The following PHKA1 variants were observed in gnomAD, a reference collection of about 807,000 sequenced individuals.
The protein encoded by PHKA1 is phosphorylase b kinase regulatory subunit alpha, skeletal muscle isoform.
A neutral mutation model predicts 110.2 loss-of-function variants in PHKA1; 60 were observed. The observed-to-expected ratio is 0.54, with a 90% CI of 0.44 to 0.68. The LOEUF is 0.68. Ranked by LOEUF, PHKA1 falls within the 30% of genes least tolerant of loss-of-function variation. PHKA1 has a pLI of 0.00. For missense variants in PHKA1, 801 were observed against 942.5 expected (o/e 0.85, Z 1.97); for synonymous variants, 316 against 333.6 (o/e 0.95, Z 0.58).
intron 14 of PHKA1, among the ~76,000 whole-genome samples, chrX:72,637,248 G>C (rs1193399207): frequency 9.0e-6 from 1 of 111,566 alleles, no homozygotes; most frequent in Non-Finnish European, 1.9e-5. Flanking sequence ...GGCAACCACT[G>C]TTCTACTTTG....
intron 5 of PHKA1, among the ~76,000 whole-genome samples, chrX:72,680,266 G>A (rs781921407): frequency 9.0e-6 from 1 of 111,587 alleles, no homozygotes; most frequent in Non-Finnish European, 1.9e-5. Context: ...CACCCACCTC[G>A]GCCTCCCAAA....
chrX:72,603,072 A>C (rs1556245655), intron 26 of PHKA1, 47 bp downstream of exon 26: 1 of 866,864 alleles, frequency 1.2e-6, no homozygotes, highest in African/African-American at 2.0e-5. Flanking sequence ...CCAATGAGAC[A>C]CTTAAACCAA....
At chrX:72,584,002 C>T (rs1042379637) in intron 30 of PHKA1, among the ~76,000 whole-genome samples, 1 of 112,403 alleles carries the variant, frequency 8.9e-6, no homozygotes, top group African/African-American at 3.2e-5. Context: ...GTCTAACCCT[C>T]ACAACGCTCA....
At chrX:72,629,621 T>G (rs1184258935) in intron 16 of PHKA1, among the ~76,000 whole-genome samples, 1 of 112,250 alleles carries the variant, frequency 8.9e-6, no homozygotes, top group African/African-American at 3.2e-5. Context: ...CTGATGTATT[T>G]AGGCTATTTA....
intron 21 of PHKA1, among the ~76,000 whole-genome samples, chrX:72,611,627 A>G (rs1556261079): frequency 8.9e-6 from 1 of 112,198 alleles, no homozygotes; most frequent in Non-Finnish European, 1.9e-5. Flanking sequence ...GGCAAAACAA[A>G]TACTGCTGGC....
At chrX:72,700,883 A>G (rs2054196251) in intron 3 of PHKA1, among the ~76,000 whole-genome samples, 1 of 111,865 alleles carries the variant, frequency 8.9e-6, no homozygotes, top group South Asian at 3.7e-4. Flanking sequence ...GGACTGAACT[A>G]ATTTTTTGGA....
At chrX:72,687,096 A>C (rs1315293934) in intron 4 of PHKA1, among the ~76,000 whole-genome samples, 1 of 111,845 alleles carries the variant, frequency 8.9e-6, no homozygotes, top group African/African-American at 3.3e-5. Flanking sequence ...TGATATATTT[A>C]TAAGCTATCT....
intron 19 of PHKA1, among the ~76,000 whole-genome samples, chrX:72,619,585 T>C (rs782768250): frequency 8.9e-5 from 10 of 112,303 alleles, no homozygotes; most frequent in Non-Finnish European, 1.9e-4. Flanking sequence ...TCCACGATGG[T>C]GCGTTCACTG....
chrX:72,642,688 T>C (rs1355306180), intron 14 of PHKA1, among the ~76,000 whole-genome samples: 1 of 110,798 alleles, frequency 9.0e-6, no homozygotes, highest in East Asian at 2.8e-4. Flanking sequence ...CCTCAGAAGT[T>C]TCAGGAGCCT....
At chrX:72,698,355 T>C (rs930116530) in intron 3 of PHKA1, among the ~76,000 whole-genome samples, 5 of 112,516 alleles carry the variant, frequency 4.4e-5, no homozygotes, top group African/African-American at 1.6e-4. Context: ...TAAAAAAGAA[T>C]TGTCAAATGC....
intron 11 of PHKA1, among the ~76,000 whole-genome samples, chrX:72,653,094 T>G (rs782662486): frequency 9.0e-6 from 1 of 111,464 alleles, no homozygotes; most frequent in Admixed American, 9.5e-5. Flanking sequence ...AAGACTGATC[T>G]ATTAAAACAA....
At chrX:72,591,253 TC>T (rs782816869) in intron 29 of PHKA1, among the ~76,000 whole-genome samples, 1 of 112,057 alleles carries the variant, frequency 8.9e-6, no homozygotes, top group South Asian at 3.8e-4. Flanking sequence ...TGAGTTCATG[TC>T]CTTTGCAGGG....
chrX:72,605,570 C>T lies in PHKA1; in HGVS notation c.2656G>A (p.Gly886Arg), dbSNP rs781943472. ...LTQLIDEASE[G>R]DMSISILTQE... Reference sequence around the variant, plus strand: ...GTAAGGATTGAAATGCTCATATCCCCTTCACTGGCTTCATCTATCAGCTGA... The same window carrying T: ...GTAAGGATTGAAATGCTCATATCCCTTTCACTGGCTTCATCTATCAGCTGA... The change falls in exon 24 of 32, where the codon GGG (glycine) becomes AGG (arginine). Residue 886 changes from glycine (G) to arginine (R), a missense_variant. Gly to Arg is a moderately radical substitution (Grantham distance 125, BLOSUM62 -2). This residue lies in a region of PHKA1 where 502 missense variants were observed against 519.2 expected (regional missense o/e 0.97). Transcript: ENST00000373542. 8.3e-7 allele frequency: 1 copy of T among 1,208,402 alleles called. No individual in the cohort carries two copies. The highest frequency in any genetic ancestry group is 3.0e-5 in the East Asian group (1 of 33,833).
At position 72,584,168 on chromosome X, in the gene PHKA1, C is replaced by T. The variant is rs1305428116; in HGVS notation, c.3297+81G>A. On this transcript the variant is annotated intron_variant, in intron 30 of 31. Transcript: ENST00000373542. ...GATTTATAAAAGCATGGATCTGTCA[C>T]TTTGAAAAGTAAGTGATCACTGGGA... 1.1e-5 allele frequency: 9 copies of T among 805,426 alleles called. No homozygotes were observed. The East Asian group carries it at 2.2e-4, about 20-fold the overall frequency. 66.4% of individuals were successfully genotyped at this position (805,426 alleles called of 1,213,427 possible).
At chrX:72,703,848 TTTC>T (rs1438177360) in intron 3 of PHKA1, among the ~76,000 whole-genome samples, 1 of 112,034 alleles carries the variant, frequency 8.9e-6, no homozygotes, top group Non-Finnish European at 1.9e-5. Context: ...CGGGCCTCAA[TTTC>T]TTCTTCTAAT....
At chrX:72,588,191 T>C (rs1486026972) in intron 29 of PHKA1, among the ~76,000 whole-genome samples, 1 of 112,233 alleles carries the variant, frequency 8.9e-6, no homozygotes, top group East Asian at 2.8e-4. Context: ...AGTAAAGCAC[T>C]TCTCAGCAAA....
intron 4 of PHKA1, among the ~76,000 whole-genome samples, chrX:72,689,244 C>T (rs1019594831): frequency 1.3e-4 from 14 of 111,711 alleles, no homozygotes; most frequent in African/African-American, 3.3e-4. Context: ...CACAGTTATG[C>T]GACCATCACC....
At chrX:72,652,742 C>T in intron 11 of PHKA1, 91 bp from the exon 12 acceptor site, 1 of 588,620 alleles carries the variant, frequency 1.7e-6, no homozygotes. Flanking sequence ...TAATTTATAC[C>T]CTATGTAGCT....
intron 6 of PHKA1, among the ~76,000 whole-genome samples, chrX:72,672,011 C>T: frequency 8.9e-6 from 1 of 112,309 alleles, no homozygotes; most frequent in Non-Finnish European, 1.9e-5. Flanking sequence ...CAATACCATT[C>T]AGAACAGAAG....
Sources: gnomAD v4.1 joint callset for allele counts (sites outside exome capture counted in the v4.1 genomes callset) on GRCh38, gnomAD v4.1.1 for gene constraint, gnomAD v4.1.1 regional missense constraint, MANE v1.5 for transcripts, NCBI Gene and HGNC (gene_info 2026-07-23, HGNC 2026-07-21) for gene names.